COL23A1: variants seen among roughly 807,000 people sequenced by gnomAD.
COL23A1 encodes the protein collagen type XXIII alpha 1 chain.
COL23A1 carries 97 observed loss-of-function variants against 99.3 expected under a neutral mutation model. The observed-to-expected ratio is 0.98, with a 90% CI of 0.83 to 1.16. The LOEUF is 1.16. COL23A1 is among the 50% of genes most tolerant of loss of function. COL23A1 has a pLI of 0.00. For missense variants in COL23A1, 762 were observed against 757.4 expected, an observed-to-expected ratio of 1.01 and a Z score of -0.07; for synonymous variants, 320 against 308.2, an observed-to-expected ratio of 1.04 and a Z score of -0.40.
At chr5:178,260,312 A>G (rs1765560254) in intron 11 of COL23A1, among the ~76,000 whole-genome samples, 1 of 152,246 alleles carries the variant, frequency 6.6e-6, no homozygotes, top group Non-Finnish European at 1.5e-5. Flanking sequence ...ATCATTCAAT[A>G]AATAATAAAC....
At chr5:178,581,606 AAGACATCCTT>A (rs143151127) in intron 1 of COL23A1, among the ~76,000 whole-genome samples, 4,640 of 152,146 alleles carry the variant, frequency 0.03, 254 homozygotes, top group African/African-American at 0.1. Flanking sequence ...CAAAGCCCGA[AAGACATCCTT>A]CTGTATCCAG....
chr5:178,434,722 A>G lies in COL23A1; in HGVS notation c.361+125960T>C, dbSNP rs994697150. On this transcript the variant is annotated intron_variant, in intron 2 of 28. Transcript: ENST00000390654. This position sits in a 1 kb window ranked among gnomAD's most constrained non-coding sequence, Gnocchi z 4.3. Reference sequence around the variant, plus strand: ...CCCTCTAGAGGCCGGTGCCTCCCCAACATCTCCACTTCACCGCTGAGGAAA... The same window carrying G: ...CCCTCTAGAGGCCGGTGCCTCCCCAGCATCTCCACTTCACCGCTGAGGAAA... 1.3e-5 allele frequency among the ~76,000 whole-genome samples: 2 copies of G among 152,158 alleles called. No individual in the cohort carries two copies. The highest frequency in any genetic ancestry group is 6.5e-5 in the Admixed American group (1 of 15,288).
At chr5:178,249,914 T>C in intron 18 of COL23A1, 147 bp downstream of exon 18, 7 of 1,095,506 alleles carry the variant, frequency 6.4e-6, no homozygotes. Context: ...ACAGGCAGCC[T>C]GGTGCCAAAA....
rs116689726 is a variant in COL23A1, at chr5:178,281,710, C to G, written c.441+6614G>C. ...CCTGTAGCCAAGGAGGCCTTTTCTA[C>G]TTTTTAATAATTAATTGATTGATTT... On this transcript the variant is annotated intron_variant, in intron 5 of 28. Coordinates refer to ENST00000390654, the MANE Select transcript of COL23A1 (RefSeq NM_173465.4). This position sits in a 1 kb window ranked among gnomAD's most constrained non-coding sequence, Gnocchi z 4.0. Among the ~76,000 whole-genome samples the G allele has an allele frequency of 6.6e-6, 1 of 152,162 alleles. No homozygotes were observed. The highest frequency in any genetic ancestry group is 1.5e-5 in the Non-Finnish European group (1 of 68,036).
At chr5:178,299,193 T>C (rs1757903869) in intron 3 of COL23A1, among the ~76,000 whole-genome samples, 1 of 152,222 alleles carries the variant, frequency 6.6e-6, no homozygotes, top group Admixed American at 6.5e-5. Context: ...GTTCTCGCCA[T>C]TTCTATTTTT....
chr5:178,569,461 G>T (rs1362708635), intron 1 of COL23A1, among the ~76,000 whole-genome samples: 1 of 152,186 alleles, frequency 6.6e-6, no homozygotes, highest in Non-Finnish European at 1.5e-5. Context: ...AGTCCTTACT[G>T]AGATCTTGCT....
chr5:178,255,982 TG>T lies in COL23A1; in HGVS notation c.882+370del. ...CTGGTGGCAGGGACAAACCTCCCTG[TG>T]GGGTGGGGAAAAGGCAAGGCCTGGC... On this transcript the variant is annotated intron_variant, in intron 15 of 28. Coordinates refer to ENST00000390654, the MANE Select transcript of COL23A1 (RefSeq NM_173465.4). The surrounding 1 kb of genome is among the most constrained non-coding windows in gnomAD (Gnocchi z 4.2). The T allele has an allele frequency of 4.4e-6, 1 of 227,020 alleles. No homozygotes were observed. Among genetic ancestry groups the T allele is most frequent in the Non-Finnish European group, 9.2e-6 (1 of 108,706 alleles). 14.1% of individuals were successfully genotyped at this position (227,020 alleles called of 1,614,324 possible).
intron 2 of COL23A1, among the ~76,000 whole-genome samples, chr5:178,517,776 G>A (rs1262562874): frequency 1.3e-5 from 2 of 150,634 alleles, no homozygotes; most frequent in Admixed American, 6.6e-5. Flanking sequence ...TAGCCAGGAT[G>A]GTCTCGATCT....
intron 2 of COL23A1, among the ~76,000 whole-genome samples, chr5:178,497,951 G>A (rs1485580977): frequency 6.6e-6 from 1 of 151,704 alleles, no homozygotes; most frequent in Non-Finnish European, 1.5e-5. Flanking sequence ...TGACCAAGTT[G>A]AAGAAAAAGA....
chr5:178,253,119 C>T (rs917731340), intron 16 of COL23A1, among the ~76,000 whole-genome samples: 1 of 151,478 alleles, frequency 6.6e-6, no homozygotes, highest in Non-Finnish European at 1.5e-5. Context: ...CCAGGTCCGA[C>T]CCCACTCTCA....
chr5:178,243,946 CT>C (rs1764540435), intron 25 of COL23A1, among the ~76,000 whole-genome samples: 1 of 152,200 alleles, frequency 6.6e-6, no homozygotes, highest in Non-Finnish European at 1.5e-5. Flanking sequence ...CAAGCTACAG[CT>C]CTTCCTTTCC....
At chr5:178,355,056 C>CAAA (rs57506588) in intron 2 of COL23A1, among the ~76,000 whole-genome samples, 43 of 117,494 alleles carry the variant, frequency 3.7e-4, no homozygotes, top group African/African-American at 9.4e-4. Context: ...GACTTTGTCT[C>CAAA]AAAAAAAAAA....
chr5:178,277,061 A>G (rs1217571267), intron 5 of COL23A1, among the ~76,000 whole-genome samples: 1 of 152,084 alleles, frequency 6.6e-6, no homozygotes. Context: ...GTTTTATTTG[A>G]TCCGTGCAGT....
At chr5:178,517,869 G>A (rs667030) in intron 2 of COL23A1, among the ~76,000 whole-genome samples, 40,417 of 125,218 alleles carry the variant, frequency 0.32, 7,956 homozygotes, top group East Asian at 0.66. Flanking sequence ...CAGCAACAGC[G>A]GTTCTTTTTT....
intron 2 of COL23A1, among the ~76,000 whole-genome samples, chr5:178,435,242 G>A (rs60516209): frequency 0.029 from 4,437 of 152,208 alleles, 220 homozygotes; most frequent in African/African-American, 0.1. Context: ...TTTAATCTCC[G>A]GATGAGGTGA....
intron 16 of COL23A1, among the ~76,000 whole-genome samples, chr5:178,254,696 G>C (rs1208359608): frequency 6.6e-6 from 1 of 152,142 alleles, no homozygotes; most frequent in South Asian, 2.1e-4. Flanking sequence ...GCCCCTGAGT[G>C]GGGAGCTTCC....
chr5:178,491,026 A>AGCCT (rs1757903847), intron 2 of COL23A1, among the ~76,000 whole-genome samples: 1 of 151,912 alleles, frequency 6.6e-6, no homozygotes, highest in Admixed American at 6.6e-5. Context: ...GCGAGAGACA[A>AGCCT]AGAAAGCTAA....
At chr5:178,263,185 C>T (rs1306848404) in intron 9 of COL23A1, 23 bp downstream of exon 9, 7 of 1,564,278 alleles carry the variant, frequency 4.5e-6, no homozygotes, top group African/African-American at 1.4e-5. Context: ...TCCTGCGTGG[C>T]CCAACTCCAT....
At chr5:178,386,296 AG>A (rs906916796) in intron 2 of COL23A1, among the ~76,000 whole-genome samples, 2 of 152,042 alleles carry the variant, frequency 1.3e-5, no homozygotes, top group Non-Finnish European at 2.9e-5. Context: ...AAAATTAGCC[AG>A]GCATGGAAGC....
Sources: allele counts gnomAD v4.1 joint callset (sites outside exome capture counted in the v4.1 genomes callset), GRCh38; gene constraint gnomAD v4.1.1; non-coding constraint Gnocchi (gnomAD v3.1); transcripts MANE v1.5; gene names NCBI Gene and HGNC (gene_info 2026-07-23, HGNC 2026-07-21).